The following SERTAD4 variants were observed in gnomAD, a reference collection of about 807,000 sequenced individuals.
SERTAD4 encodes the protein SERTA domain containing 4, also known as SERTA domain-containing protein 4.
A neutral mutation model predicts 32.9 loss-of-function variants in SERTAD4; 18 were observed. The ratio of observed to expected loss-of-function variants is 0.55; its 90% CI spans 0.38 to 0.81. The LOEUF is 0.81. Ranked by LOEUF, SERTAD4 falls within the 30% of genes least tolerant of loss-of-function variation. SERTAD4 has a pLI of 0.00. For synonymous variants in SERTAD4, 150 were observed against 156.4 expected, an observed-to-expected ratio of 0.96 and a Z score of 0.30; for missense variants, 383 against 426.0, an observed-to-expected ratio of 0.90 and a Z score of 0.89.
chr1:210,242,194 T>G lies in SERTAD4; in HGVS notation c.928T>G (p.Cys310Gly), dbSNP rs1378107859. ...EPVGNDLAFE[C>G]KGQFYDYFET... ...TGTGGGAAATGACCTTGCTTTTGAG[T>G]GCAAAGGCCAATTTTATGATTATTT... Residue 310 changes from cysteine to glycine, a missense_variant, in exon 4 of 4, where the codon TGC becomes GGC. Cys to Gly is a radical substitution (Grantham distance 159). Around this residue, in one of 3 missense-constraint regions of SERTAD4, gnomAD observed 180 missense variants for 190.6 expected, o/e 0.94. Transcript: ENST00000367012. This position sits in a 1 kb window ranked among gnomAD's most constrained non-coding sequence, Gnocchi z 4.0. 1 of 1,614,118 alleles carries G rather than the reference T, an allele frequency of 6.2e-7. No individual in the cohort carries two copies. Among genetic ancestry groups the G allele is most frequent in the South Asian group, 1.1e-5 (1 of 91,084 alleles).
intron 1 of SERTAD4, among the ~76,000 whole-genome samples, chr1:210,235,776 T>C (rs1027526026): frequency 5.3e-5 from 8 of 152,204 alleles, no homozygotes; most frequent in African/African-American, 1.9e-4. Flanking sequence ...CAAAAGTAAT[T>C]GCTGCCAGGA....
At chr1:210,239,727 C>T (rs2083977008) in intron 3 of SERTAD4, 119 bp downstream of exon 3, 1 of 588,684 alleles carries the variant, frequency 1.7e-6, no homozygotes, top group Non-Finnish European at 2.9e-6. Context: ...AGCCACTTCT[C>T]AGTGGAGCCT....
At chr1:210,236,117 A>C (rs761641923) in intron 1 of SERTAD4, among the ~76,000 whole-genome samples, 10 of 152,256 alleles carry the variant, frequency 6.6e-5, no homozygotes, top group Admixed American at 5.2e-4. Context: ...GAGGAGTTTG[A>C]GAAATGATAG....
intron 3 of SERTAD4, among the ~76,000 whole-genome samples, chr1:210,240,952 G>A (rs962861383): frequency 3.9e-5 from 6 of 152,104 alleles, no homozygotes; most frequent in African/African-American, 1.4e-4. Context: ...TTGCATTTTG[G>A]CATCATTTTA....
rs2084043049 is a variant in SERTAD4, at chr1:210,245,753, G to A, written c.*3416G>A. ...CATGGCTACCCACCCCTCCAGTTAT[G>A]AACTTGTATTACAGCTCCACTTGGT... On this transcript the variant is annotated 3_prime_UTR_variant, in exon 4 of 4. Coordinates refer to ENST00000367012, the MANE Select transcript of SERTAD4 (RefSeq NM_019605.5). The A allele has an allele frequency of 3.5e-6, 3 of 867,278 alleles. No individual in the cohort carries two copies. The highest frequency in any genetic ancestry group is 3.7e-5 in the African/African-American group (2 of 54,718). The allele number at this position is 867,278 out of a possible 1,614,324, so 53.7% of individuals were successfully genotyped here.
intron 1 of SERTAD4, among the ~76,000 whole-genome samples, chr1:210,235,814 G>A (rs1318679942): frequency 6.6e-6 from 1 of 152,170 alleles, no homozygotes; most frequent in Non-Finnish European, 1.5e-5. Flanking sequence ...TTTCTTAAGG[G>A]GCATGAGTTT....
At chr1:210,237,618 T>G (rs535577131) in intron 1 of SERTAD4, 1 of 220,232 alleles carries the variant, frequency 4.5e-6, no homozygotes, top group East Asian at 1.3e-4. Context: ...GTACATTTTC[T>G]TTGGAAGGTC....
rs973256293 is a variant in SERTAD4, at chr1:210,235,409, C to A, written c.-18+2398C>A. On this transcript the variant is annotated intron_variant, in intron 1 of 3. Transcript: ENST00000367012. ...TAAATAGACTAGGAAGACTCAATTG[C>A]AAAATCTCCTCCCCGCTCCCAAATA... 2.6e-5 allele frequency among the ~76,000 whole-genome samples: 4 copies of A among 152,346 alleles called. No homozygotes were observed. In the South Asian group the frequency reaches 8.3e-4, roughly 32 times the overall value.
Position 210,245,042 on chromosome 1 carries a change from T to C in SERTAD4, c.*2705T>C, listed in dbSNP as rs1318253488. 2 of 152,204 alleles carry C rather than the reference T, an allele frequency of 1.3e-5. No homozygotes were observed. The highest frequency in any genetic ancestry group is 4.8e-5 in the African/African-American group (2 of 41,456). The allele number at this position is 152,204 out of a possible 1,614,324, so 9.4% of individuals were successfully genotyped here. A position where few individuals can be genotyped will look rare whatever the true frequency, so the allele number is the denominator to read the frequency against. On this transcript the variant is annotated 3_prime_UTR_variant, in exon 4 of 4. Transcript: ENST00000367012. ...AGCATTGTCTTTTATGCATGAGATA[T>C]TCCATTAGATTTTCCTAGAGTGGCC...
In SERTAD4 at chr1:210,232,925, T is replaced by C. The variant is rs1418532126; in HGVS notation, c.-104T>C. ...GCGGCCGGGCCGGGACCCGCGAGTG[T>C]GCACCGGCGGCCGGGCTGGCGCCGA... On this transcript the variant is annotated 5_prime_UTR_variant, in exon 1 of 4. Transcript: ENST00000367012. 2.0e-5 allele frequency: 3 copies of C among 148,904 alleles called. No homozygotes were observed. Among genetic ancestry groups the C allele is most frequent in the Non-Finnish European group, 3.0e-5 (2 of 67,042 alleles). 9.2% of individuals were successfully genotyped at this position (148,904 alleles called of 1,614,324 possible).
intron 2 of SERTAD4, among the ~76,000 whole-genome samples, chr1:210,238,544 C>G (rs189488525): frequency 6.6e-6 from 1 of 152,302 alleles, no homozygotes; most frequent in African/African-American, 2.4e-5. Context: ...GCACTTTGGG[C>G]CAGCAGCTAT....
intron 1 of SERTAD4, among the ~76,000 whole-genome samples, chr1:210,235,407 T>C (rs1487305054): frequency 1.3e-5 from 2 of 152,222 alleles, no homozygotes; most frequent in Non-Finnish European, 2.9e-5. Flanking sequence ...AAGACTCAAT[T>C]GCAAAATCTC....
rs762756599 is a variant in SERTAD4 at position 210,241,855 on chromosome 1, G to A, written c.589G>A (p.Gly197Ser). 3 of 1,614,060 alleles carry A rather than the reference G, an allele frequency of 1.9e-6. No homozygotes were observed. Among genetic ancestry groups the A allele is most frequent in the Non-Finnish European group, 2.5e-6 (3 of 1,180,012 alleles). ...HACCFYQECG[G>S]HYLNLPLSVN... The stretch of plus-strand genomic sequence containing the variant: ...CTGCTGCTTTTACCAAGAATGTGGT[G>A]GCCACTACCTAAATTTACCCCTTTC... Residue 197 changes from glycine (G) to serine (S), a missense_variant, in exon 4 of 4, where the codon GGC (glycine) becomes AGC (serine). Physicochemically the swap from Gly to Ser is moderately conservative, Grantham distance 56. Coordinates refer to ENST00000367012, the MANE Select transcript of SERTAD4 (RefSeq NM_019605.5).
intron 1 of SERTAD4, chr1:210,233,898 C>A (rs1444055083): frequency 4.4e-6 from 2 of 451,264 alleles, no homozygotes; most frequent in Admixed American, 2.7e-5. Flanking sequence ...GGGCCCGGGC[C>A]AGCCCCGCCA....
Position 210,241,549 on chromosome 1 carries a change from G to GTTT in SERTAD4, c.292-9_292-8insTTT. The GTTT allele has an allele frequency of 3.6e-6, 4 of 1,106,182 alleles. No individual in the cohort carries two copies. The highest frequency in any genetic ancestry group is 2.5e-5 in the African/African-American group (1 of 40,788). The allele number at this position is 1,106,182 out of a possible 1,614,324, so 68.5% of individuals were successfully genotyped here. A position where few individuals can be genotyped will look rare whatever the true frequency, so the allele number is the denominator to read the frequency against. On this transcript the variant is annotated splice_polypyrimidine_tract_variant and intron_variant, in intron 3 of 3. Transcript: ENST00000367012. ...TTGTTTTTTTCTTTTTTTTTTTTTT[G>GTTT]GTTTGTAGACCATCTCAATTTTTGA...
In SERTAD4 at chr1:210,238,010, A is replaced by T; in HGVS notation, c.50A>T (p.Glu17Val). The T allele has an allele frequency of 6.2e-7, 1 of 1,613,678 alleles. No individual in the cohort carries two copies. The highest frequency in any genetic ancestry group is 8.5e-7 in the Non-Finnish European group (1 of 1,179,926). ...MNRFCEPIVS[E>V]GAAEIAGYQT... ...AGATTCTGCGAGCCCATTGTCTCGG[A>T]AGGAGCTGCTGAAATTGCTGGGTAC... Residue 17 changes from glutamate to valine, a missense_variant, in exon 2 of 4, where the codon GAA becomes GTA. Physicochemically the swap from Glu to Val is moderately radical, Grantham distance 121 (BLOSUM62 -2). Coordinates refer to ENST00000367012, the MANE Select transcript of SERTAD4 (RefSeq NM_019605.5).
chr1:210,235,153 T>C (rs1307077185), intron 1 of SERTAD4, among the ~76,000 whole-genome samples: 1 of 152,248 alleles, frequency 6.6e-6, no homozygotes, highest in Non-Finnish European at 1.5e-5. Context: ...TGCCATAATG[T>C]ATATCCTTTT....
At chr1:210,246,464 T>G (rs1390969969), downstream of SERTAD4, 1 of 562,468 alleles carries the variant, frequency 1.8e-6, no homozygotes, top group East Asian at 1.4e-4. Context: ...ATGTAAGTTA[T>G]GAACACTTGA....
chr1:210,241,820 A>T lies in SERTAD4; in HGVS notation c.554A>T (p.Lys185Met), dbSNP rs1264607803. The change falls in exon 4 of 4, where the codon AAG becomes ATG. Residue 185 changes from lysine (K) to methionine (M), a missense_variant. Physicochemically the swap from Lys to Met is moderately conservative, Grantham distance 95. This residue lies in a region of SERTAD4 where 107 missense variants were observed against 158.8 expected (regional missense o/e 0.67). Coordinates refer to ENST00000367012, the MANE Select transcript of SERTAD4 (RefSeq NM_019605.5). ...RPRMAKEECE[K>M]FHACCFYQEC... ...CGGATGGCCAAAGAGGAATGTGAAA[A>T]GTTTCATGCCTGCTGCTTTTACCAA... 1 of 1,614,000 alleles carries T rather than the reference A, an allele frequency of 6.2e-7. No individual in the cohort carries two copies. Among genetic ancestry groups the T allele is most frequent in the African/African-American group, 1.3e-5 (1 of 74,916 alleles).
Sources: gnomAD v4.1 joint callset for allele counts (sites outside exome capture counted in the v4.1 genomes callset) on GRCh38, gnomAD v4.1.1 for gene constraint, gnomAD v4.1.1 regional missense constraint, Gnocchi (gnomAD v3.1) non-coding constraint, MANE v1.5 for transcripts, NCBI Gene and HGNC (gene_info 2026-07-23, HGNC 2026-07-21) for gene names.